Variants in TRPM3 observed in about 807,000 individuals in gnomAD.
TRPM3 encodes the protein transient receptor potential cation channel subfamily M member 3, also known as long transient receptor potential channel 3.
Under a neutral mutation model 181.2 loss-of-function variants are expected in TRPM3, and 77 were observed. That is an observed-to-expected ratio of 0.42 (90% confidence interval 0.35 to 0.51). TRPM3 has a LOEUF of 0.51. Among genes scored for constraint, TRPM3 ranks in the 20% least tolerant of loss-of-function variants. The probability of loss-of-function intolerance (pLI) is 0.01; values close to 1 mark genes in which losing one functional copy is unlikely to be tolerated. For synonymous variants in TRPM3, 745 were observed against 796.4 expected (o/e 0.94, Z 1.09); for missense variants, 1,759 against 2,196.7 (o/e 0.80, Z 3.98).
At chr9:71,202,046 CA>C (rs2078830351) in intron 1 of TRPM3, among the ~76,000 whole-genome samples, 1 of 152,178 alleles carries the variant, frequency 6.6e-6, no homozygotes, top group Non-Finnish European at 1.5e-5. Flanking sequence ...TTCCTTCTAA[CA>C]GACAGGACCC....
intron 8 of TRPM3, among the ~76,000 whole-genome samples, chr9:70,747,015 T>C (rs1587753391): frequency 6.6e-6 from 1 of 152,322 alleles, no homozygotes; most frequent in South Asian, 2.1e-4. Context: ...ACAAAATTTA[T>C]AGATACTGAA....
chr9:70,565,239 G>A (rs190370577), intron 22 of TRPM3, among the ~76,000 whole-genome samples: 11 of 152,296 alleles, frequency 7.2e-5, no homozygotes, highest in South Asian at 4.1e-4. Context: ...ACATTGACAC[G>A]TCAGTTAAAA....
At chr9:70,972,889 G>C (rs1343957575) in intron 1 of TRPM3, among the ~76,000 whole-genome samples, 1 of 152,102 alleles carries the variant, frequency 6.6e-6, no homozygotes, top group African/African-American at 2.4e-5. Context: ...AGCATGGATT[G>C]ACATTACCCA....
chr9:70,822,269 C>G (rs2093241576), intron 6 of TRPM3, among the ~76,000 whole-genome samples: 1 of 152,124 alleles, frequency 6.6e-6, no homozygotes. Context: ...GAGACTAGTC[C>G]TCAGTCCCTT....
chr9:70,841,237 C>T (rs1483490415), intron 5 of TRPM3, among the ~76,000 whole-genome samples: 1 of 152,058 alleles, frequency 6.6e-6, no homozygotes, highest in African/African-American at 2.4e-5. Flanking sequence ...ATCAGTAACA[C>T]TTACTTTTCC....
At chr9:70,907,089 A>G (rs1157799329) in intron 1 of TRPM3, among the ~76,000 whole-genome samples, 1 of 152,176 alleles carries the variant, frequency 6.6e-6, no homozygotes, top group East Asian at 1.9e-4. Flanking sequence ...AAACAGTATA[A>G]TTTTACTTAA....
intron 1 of TRPM3, among the ~76,000 whole-genome samples, chr9:71,281,890 C>T (rs186454726): frequency 2.0e-5 from 3 of 151,890 alleles, no homozygotes; most frequent in Non-Finnish European, 4.4e-5. Context: ...GGAGAAACCC[C>T]GTCTCTACTA....
At chr9:70,622,984 C>A (rs566300972) in intron 14 of TRPM3, among the ~76,000 whole-genome samples, 1 of 151,926 alleles carries the variant, frequency 6.6e-6, no homozygotes, top group African/African-American at 2.4e-5. Flanking sequence ...TCAAACAAAT[C>A]CCTGTTGTTA....
intron 1 of TRPM3, among the ~76,000 whole-genome samples, chr9:71,353,772 C>G (rs1285893319): frequency 6.6e-6 from 1 of 152,110 alleles, no homozygotes; most frequent in Non-Finnish European, 1.5e-5. Flanking sequence ...ATAAAGCTTC[C>G]CCAGTGTTGA....
At chr9:71,260,151 T>G (rs941073771) in intron 1 of TRPM3, among the ~76,000 whole-genome samples, 7 of 152,200 alleles carry the variant, frequency 4.6e-5, no homozygotes, top group African/African-American at 1.7e-4. Flanking sequence ...ATTTCCCCAT[T>G]GTTTGTTTTT....
At chr9:71,217,097 C>A (rs1450742312) in intron 1 of TRPM3, among the ~76,000 whole-genome samples, 2 of 150,952 alleles carry the variant, frequency 1.3e-5, no homozygotes, top group East Asian at 3.9e-4. Flanking sequence ...ACTACAGGCG[C>A]CCGCTACCAC....
intron 1 of TRPM3, among the ~76,000 whole-genome samples, chr9:70,993,844 G>A (rs2097516782): frequency 6.6e-6 from 1 of 151,488 alleles, no homozygotes; most frequent in South Asian, 2.1e-4. Context: ...GGGGGATTGA[G>A]GATGCTGACC....
intron 1 of TRPM3, among the ~76,000 whole-genome samples, chr9:71,442,261 A>C (rs1021755074): frequency 2.0e-5 from 3 of 152,242 alleles, no homozygotes; most frequent in Non-Finnish European, 4.4e-5. Flanking sequence ...AGTGGAAGCA[A>C]GAGTGCTGTC....
chr9:71,107,070 C>T (rs1341223343), intron 1 of TRPM3, among the ~76,000 whole-genome samples: 1 of 152,158 alleles, frequency 6.6e-6, no homozygotes, highest in Non-Finnish European at 1.5e-5. Flanking sequence ...TGCACTTCAA[C>T]TTGAGCAATG....
At chr9:70,996,881 T>A (rs2097545767) in intron 1 of TRPM3, among the ~76,000 whole-genome samples, 1 of 152,226 alleles carries the variant, frequency 6.6e-6, no homozygotes, top group Non-Finnish European at 1.5e-5. Context: ...ACATTTTGGA[T>A]CACAGGAAGT....
At chr9:71,205,493 G>T (rs2079071085) in intron 1 of TRPM3, among the ~76,000 whole-genome samples, 2 of 152,008 alleles carry the variant, frequency 1.3e-5, no homozygotes, top group African/African-American at 2.4e-5. Context: ...TGGAGGGAGG[G>T]TTAAGGAGAT....
chr9:70,802,486 T>C (rs1325410397), intron 6 of TRPM3, among the ~76,000 whole-genome samples: 1 of 152,192 alleles, frequency 6.6e-6, no homozygotes, highest in Non-Finnish European at 1.5e-5. Flanking sequence ...CCACTAGTTG[T>C]AGTTTGTTCA....
At chr9:70,563,043 T>C (rs984325325) in intron 22 of TRPM3, among the ~76,000 whole-genome samples, 1 of 152,206 alleles carries the variant, frequency 6.6e-6, no homozygotes, top group East Asian at 1.9e-4. Context: ...TTTGCTTTGG[T>C]GAATGGAATG....
intron 1 of TRPM3, among the ~76,000 whole-genome samples, chr9:70,912,550 A>T (rs1005406777): frequency 6.6e-6 from 1 of 152,212 alleles, no homozygotes; most frequent in Non-Finnish European, 1.5e-5. Context: ...AGATAAGGAA[A>T]GTGAGGAGAG....
Sources: allele counts gnomAD v4.1 joint callset (sites outside exome capture counted in the v4.1 genomes callset), GRCh38; gene constraint gnomAD v4.1.1; transcripts MANE v1.5; gene names NCBI Gene and HGNC (gene_info 2026-07-23, HGNC 2026-07-21).